Variants in RPS6KA4 observed in about 807,000 individuals in gnomAD.
RPS6KA4 encodes the protein ribosomal protein S6 kinase alpha-4.
In RPS6KA4, 38 loss-of-function variants were observed where a neutral mutation model predicts 89.6. The observed-to-expected ratio is 0.42, with a 90% CI of 0.33 to 0.56. The LOEUF (loss-of-function observed/expected upper bound fraction) is 0.56, where lower values mean the gene tolerates loss of function less well. RPS6KA4 is among the 20% of genes least tolerant of loss of function. RPS6KA4 has a pLI of 0.07. For missense variants in RPS6KA4, 873 were observed against 1,098.8 expected (o/e 0.79, Z 2.90); for synonymous variants, 495 against 492.8 (o/e 1.00, Z -0.06).
At chr11:64,362,753 C>G (rs151248036) in intron 8 of RPS6KA4, among the ~76,000 whole-genome samples, 4 of 152,232 alleles carry the variant, frequency 2.6e-5, no homozygotes, top group African/African-American at 4.8e-5. Context: ...TCAGTGCAAC[C>G]TCCACCTCAG....
chr11:64,365,177 T>G lies in RPS6KA4; in HGVS notation c.907-124T>G, dbSNP rs1591314130. 26 of 1,122,548 alleles carry G rather than the reference T, an allele frequency of 2.3e-5. No individual in the cohort carries two copies. The East Asian group carries it at 6.2e-4, about 27-fold the overall frequency. The allele number at this position is 1,122,548 out of a possible 1,614,324, so 69.5% of individuals were successfully genotyped here. A position where few individuals can be genotyped will look rare whatever the true frequency, so the allele number is the denominator to read the frequency against. ...AAGCCAGGGAGGCAGGAGGAACAGC[T>G]GCCCACCCCAAATGCCAGATGGGCC... On this transcript the variant is annotated intron_variant, in intron 8 of 16. Coordinates refer to ENST00000334205, the MANE Select transcript of RPS6KA4 (RefSeq NM_003942.3).
Position 64,368,779 on chromosome 11 carries a change from C to T in RPS6KA4, c.1410C>T (p.His470=), listed in dbSNP as rs1252902389. Residue 470 remains histidine, a synonymous_variant, in exon 12 of 17, where the codon CAC becomes CAT. Transcript: ENST00000334205. ...CQSHPNVVNL[H]EVHHDQLHTY... ...CACACCCCAACGTGGTGAATCTGCACGAGGTGCATCACGACCAGGTGATGG... is the reference window on the plus strand; with the variant it reads ...CACACCCCAACGTGGTGAATCTGCATGAGGTGCATCACGACCAGGTGATGG... 5.7e-6 allele frequency: 9 copies of T among 1,568,452 alleles called. No homozygotes were observed. Among genetic ancestry groups the T allele is most frequent in the Middle Eastern group, 1.7e-4 (1 of 6,006 alleles).
Position 64,365,302 on chromosome 11 carries a change from G to A in RPS6KA4, c.908G>A (p.Gly303Asp). 5 of 1,612,404 alleles carry A rather than the reference G, an allele frequency of 3.1e-6. No homozygotes were observed. Among genetic ancestry groups the A allele is most frequent in the East Asian group, 4.5e-5 (2 of 44,838 alleles). ...QEVRNHPFFQ[G>D]LDWVALAARK... Reference sequence around the variant, plus strand: ...TGACCTCTGATTCCCTTCCCTCAGGGCCTCGATTGGGTGGCTCTGGCTGCC... The same window carrying A: ...TGACCTCTGATTCCCTTCCCTCAGGACCTCGATTGGGTGGCTCTGGCTGCC... The change falls in exon 9 of 17, where the codon GGC becomes GAC. Residue 303 changes from glycine (G) to aspartate (D), a missense_variant and splice_region_variant. This residue lies in a region of RPS6KA4 where 542 missense variants were observed against 736.4 expected (regional missense o/e 0.74). Coordinates refer to ENST00000334205, the MANE Select transcript of RPS6KA4 (RefSeq NM_003942.3).
chr11:64,366,335 T>C (rs1350368074), intron 9 of RPS6KA4, among the ~76,000 whole-genome samples: 2 of 152,132 alleles, frequency 1.3e-5, no homozygotes, highest in Non-Finnish European at 2.9e-5. Context: ...CACACCCAGC[T>C]AATTTTTGTA....
Position 64,359,462 on chromosome 11 carries a change from A to T in RPS6KA4, c.127+13A>T. 6.2e-7 allele frequency: 1 copy of T among 1,613,010 alleles called. No homozygotes were observed. Among genetic ancestry groups the T allele is most frequent in the Non-Finnish European group, 8.5e-7 (1 of 1,179,594 alleles). On this transcript the variant is annotated intron_variant, in intron 2 of 16. Coordinates refer to ENST00000334205, the MANE Select transcript of RPS6KA4 (RefSeq NM_003942.3). The stretch of plus-strand genomic sequence containing the variant: ...CTGGGCACGGGAGGTGAGGACCCCC[A>T]TCCACCGGGCAGGCGTCCCAGGCGC...
intron 8 of RPS6KA4, 59 bp from the exon 9 acceptor site, chr11:64,365,242 G>C (rs781007982): frequency 1.9e-6 from 3 of 1,572,848 alleles, no homozygotes; most frequent in Non-Finnish European, 2.6e-6. Context: ...GGTGGGCTGA[G>C]TGGAGGGAGT....
intron 12 of RPS6KA4, 51 bp from the exon 13 acceptor site, chr11:64,369,395 G>T (rs768166060): frequency 6.6e-7 from 1 of 1,507,294 alleles, no homozygotes; most frequent in East Asian, 2.5e-5. Flanking sequence ...GGTGGGAGGG[G>T]GCTTGCCGCC....
intron 14 of RPS6KA4, 83 bp downstream of exon 14, chr11:64,369,976 C>T: frequency 7.3e-7 from 1 of 1,365,792 alleles, no homozygotes; most frequent in Non-Finnish European, 9.7e-7. Flanking sequence ...AGGGAGGGGA[C>T]AGGGGTCATC....
intron 2 of RPS6KA4, 93 bp from the exon 3 acceptor site, chr11:64,360,070 C>A: frequency 8.1e-7 from 1 of 1,231,108 alleles, no homozygotes; most frequent in Non-Finnish European, 1.1e-6. Context: ...GCCTCATTTG[C>A]ACACCCTCCT....
At chr11:64,359,670 A>ACC (rs3835096) in intron 2 of RPS6KA4, 2 of 575,496 alleles carry the variant, frequency 3.5e-6, no homozygotes, top group Non-Finnish European at 3.1e-6. Flanking sequence ...GTGCGTGCAT[A>ACC]CCCCCCTGGA....
chr11:64,368,260 G>C lies in RPS6KA4; in HGVS notation c.1200G>C (p.Gln400His). ...RAAVARSAMMQDSPFFQQYEL... is the reference protein window; with the variant it reads ...RAAVARSAMMHDSPFFQQYEL... ...CGGTGGCCAGGAGCGCTATGATGCA[G>C]GTGGGCTGGGCTGGGCTGGGTTGGG... Residue 400 changes from glutamine to histidine, a missense_variant and splice_region_variant, in exon 10 of 17, where the codon CAG (glutamine) becomes CAC (histidine). This residue lies in a region of RPS6KA4 where 542 missense variants were observed against 736.4 expected (regional missense o/e 0.74). Coordinates refer to ENST00000334205, the MANE Select transcript of RPS6KA4 (RefSeq NM_003942.3). The C allele has an allele frequency of 6.2e-7, 1 of 1,613,266 alleles. No homozygotes were observed. Among genetic ancestry groups the C allele is most frequent in the Non-Finnish European group, 8.5e-7 (1 of 1,179,996 alleles).
rs375776829 is a variant in RPS6KA4 at position 64,370,179 on chromosome 11, C to T, written c.1798-46C>T. On this transcript the variant is annotated intron_variant, in intron 14 of 16. Transcript: ENST00000334205. This position sits in a 1 kb window ranked among gnomAD's most constrained non-coding sequence, Gnocchi z 4.1. ...TCTGTGGGAGCGGAGGGGTCAGCCT[C>T]GGCACCCCAGCCTGGGCCGGCCTCA... The T allele has an allele frequency of 6.6e-7, 1 of 1,507,076 alleles. No homozygotes were observed. The highest frequency in any genetic ancestry group is 8.8e-7 in the Non-Finnish European group (1 of 1,131,902). The allele number at this position is 1,507,076 out of a possible 1,614,324, so 93.4% of individuals were successfully genotyped here. A position where few individuals can be genotyped will look rare whatever the true frequency, so the allele number is the denominator to read the frequency against.
chr11:64,370,408 C>G lies in RPS6KA4; in HGVS notation c.1957+24C>G, dbSNP rs2135347781. The stretch of plus-strand genomic sequence containing the variant: ...AGGTGCGGAGCTGGAGGTCATAGAC[C>G]ATGGTTGGGGAGGGGGACGCTGGGA... On this transcript the variant is annotated intron_variant, in intron 15 of 16. Coordinates refer to ENST00000334205, the MANE Select transcript of RPS6KA4 (RefSeq NM_003942.3). This position sits in a 1 kb window ranked among gnomAD's most constrained non-coding sequence, Gnocchi z 4.1. 6.2e-7 allele frequency: 1 copy of G among 1,609,254 alleles called. No individual in the cohort carries two copies. The highest frequency in any genetic ancestry group is 2.2e-5 in the East Asian group (1 of 44,770).
chr11:64,361,298 T>C lies in RPS6KA4; in HGVS notation c.570+57T>C. On this transcript the variant is annotated intron_variant, in intron 5 of 16. Transcript: ENST00000334205. This position sits in a 1 kb window ranked among gnomAD's most constrained non-coding sequence, Gnocchi z 4.7. ...CCATTCAATCCTTCTCCTTCCTGCC[T>C]CTTCCTGCTCTGGGCCTGCATTCTG... is the stretch of plus-strand genomic sequence containing the variant. 6.6e-7 allele frequency: 1 copy of C among 1,522,822 alleles called. No individual in the cohort carries two copies. The highest frequency in any genetic ancestry group is 1.4e-5 in the African/African-American group (1 of 73,178). The allele number at this position is 1,522,822 out of a possible 1,614,324, so 94.3% of individuals were successfully genotyped here.
intron 8 of RPS6KA4, among the ~76,000 whole-genome samples, chr11:64,364,120 A>G (rs1350308320): frequency 6.6e-6 from 1 of 150,704 alleles, no homozygotes; most frequent in Non-Finnish European, 1.5e-5. Context: ...CATTGTCTTC[A>G]GGAATCCAAA....
chr11:64,360,078 C>T, intron 2 of RPS6KA4, 85 bp from the exon 3 acceptor site: 4 of 1,302,852 alleles, frequency 3.1e-6, no homozygotes. Context: ...TGCACACCCT[C>T]CTGGGTTGGC....
rs992780434 is a variant in RPS6KA4 at position 64,359,457 on chromosome 11, C to T, written c.127+8C>T. ...AGGTGCTGGGCACGGGAGGTGAGGA[C>T]CCCCATCCACCGGGCAGGCGTCCCA... On this transcript the variant is annotated splice_region_variant and intron_variant, in intron 2 of 16. Transcript: ENST00000334205. The T allele has an allele frequency of 4.3e-6, 7 of 1,612,870 alleles. No individual in the cohort carries two copies. The highest frequency in any genetic ancestry group is 1.3e-5 in the African/African-American group (1 of 74,898).
intron 9 of RPS6KA4, 104 bp from the exon 10 acceptor site, chr11:64,368,028 C>A: frequency 7.9e-7 from 1 of 1,263,884 alleles, no homozygotes; most frequent in Non-Finnish European, 1.1e-6. Flanking sequence ...CCCCACTGCC[C>A]CCTTGTCCAG....
intron 12 of RPS6KA4, 45 bp from the exon 13 acceptor site, chr11:64,369,401 C>T (rs751093569): frequency 6.6e-7 from 1 of 1,513,174 alleles, no homozygotes; most frequent in Non-Finnish European, 8.8e-7. Context: ...AGGGGGCTTG[C>T]CGCCGTGGGT....
Sources: allele counts gnomAD v4.1 joint callset (sites outside exome capture counted in the v4.1 genomes callset), GRCh38; gene constraint gnomAD v4.1.1; regional missense constraint gnomAD v4.1.1; non-coding constraint Gnocchi (gnomAD v3.1); transcripts MANE v1.5; gene names NCBI Gene and HGNC (gene_info 2026-07-23, HGNC 2026-07-21).